ADORA1: variants seen among roughly 807,000 people sequenced by gnomAD.
ADORA1 encodes adenosine receptor A1.
ADORA1 carries 6 observed loss-of-function variants against 19.9 expected under a neutral mutation model. The ratio of observed to expected loss-of-function variants is 0.30; its 90% CI spans 0.17 to 0.59. The LOEUF (loss-of-function observed/expected upper bound fraction) is 0.59. Among genes scored for constraint, ADORA1 ranks in the 20% least tolerant of loss-of-function variants. The pLI is 0.87. For missense variants in ADORA1, 302 were observed against 439.2 expected (o/e 0.69, Z 2.79); for synonymous variants, 194 against 188.4 (o/e 1.03, Z -0.24).
chr1:203,133,514 C>G (rs536348950), intron 3 of ADORA1, among the ~76,000 whole-genome samples: 2 of 152,360 alleles, frequency 1.3e-5, no homozygotes, highest in Admixed American at 1.3e-4. Flanking sequence ...GGATTTGACT[C>G]TAGGCCTAAC....
At chr1:203,155,957 A>G (rs1022264918) in intron 3 of ADORA1, among the ~76,000 whole-genome samples, 1 of 152,240 alleles carries the variant, frequency 6.6e-6, no homozygotes, top group African/African-American at 2.4e-5. Flanking sequence ...AGCACCTACC[A>G]TTTAATCCTT....
rs1383452421 is a variant in ADORA1, at chr1:203,127,787, A to G, written c.-354A>G. On this transcript the variant is annotated 5_prime_UTR_variant, in exon 1 of 4. Coordinates refer to ENST00000337894, the MANE Select transcript of ADORA1 (RefSeq NM_000674.3). ...CGCCCGAGTCGAGTCCCAGCCAGCT[A>G]CCATCCCTCTGGAGCTTACCGGCCG... is the stretch of plus-strand genomic sequence containing the variant. 1 of 152,228 alleles carries G rather than the reference A, an allele frequency of 6.6e-6. No individual in the cohort carries two copies. Among genetic ancestry groups the G allele is most frequent in the Non-Finnish European group, 1.5e-5 (1 of 68,106 alleles). 9.4% of individuals were successfully genotyped at this position (152,228 alleles called of 1,614,324 possible).
At chr1:203,144,361 A>C (rs1030421899) in intron 3 of ADORA1, among the ~76,000 whole-genome samples, 1 of 152,186 alleles carries the variant, frequency 6.6e-6, no homozygotes, top group Non-Finnish European at 1.5e-5. Flanking sequence ...TTAATGAATC[A>C]CTGAATGAAT....
chr1:203,139,628 TA>T (rs1367338246), intron 3 of ADORA1, among the ~76,000 whole-genome samples: 3 of 152,246 alleles, frequency 2.0e-5, no homozygotes, highest in African/African-American at 7.2e-5. Context: ...AAGAGGCAGA[TA>T]ATTTATTCCT....
intron 3 of ADORA1, chr1:203,129,816 A>T (rs973467486): frequency 1.3e-5 from 2 of 152,514 alleles, no homozygotes; most frequent in Non-Finnish European, 2.9e-5. Context: ...GGAAGGAAAA[A>T]TGCTGGTGCC....
rs1571776931 is a variant in ADORA1, at chr1:203,128,735, C to T, written c.-57-50C>T. The T allele has an allele frequency of 1.3e-5, 19 of 1,504,570 alleles. 1 individual carries two copies. In the East Asian group the frequency reaches 4.3e-4, roughly 34 times the overall value. 93.2% of individuals were successfully genotyped at this position (1,504,570 alleles called of 1,614,324 possible). A position where few individuals can be genotyped will look rare whatever the true frequency, so the allele number is the denominator to read the frequency against. ...GGAGTTCCAGGGCAGCCTGAGCTCC[C>T]TGCCCCTCCCAGACGGGTCTCCCCA... On this transcript the variant is annotated intron_variant, in intron 2 of 3. Coordinates refer to ENST00000337894, the MANE Select transcript of ADORA1 (RefSeq NM_000674.3). The surrounding 1 kb of genome is among the most constrained non-coding windows in gnomAD (Gnocchi z 5.9).
intron 3 of ADORA1, among the ~76,000 whole-genome samples, chr1:203,154,257 A>G (rs1655125452): frequency 6.6e-6 from 1 of 152,140 alleles, no homozygotes; most frequent in African/African-American, 2.4e-5. Context: ...CGTTTGTAAG[A>G]GTTGGGTGGC....
At chr1:203,142,547 T>C (rs916940078) in intron 3 of ADORA1, among the ~76,000 whole-genome samples, 1 of 152,210 alleles carries the variant, frequency 6.6e-6, no homozygotes, top group Non-Finnish European at 1.5e-5. Flanking sequence ...AGTTATTTAA[T>C]TAAAACATCC....
intron 3 of ADORA1, among the ~76,000 whole-genome samples, chr1:203,158,709 AC>A (rs1655269913): frequency 6.6e-6 from 1 of 152,272 alleles, no homozygotes; most frequent in African/African-American, 2.4e-5. Flanking sequence ...AATGCCTGAA[AC>A]TGGGTAATTT....
intron 3 of ADORA1, among the ~76,000 whole-genome samples, chr1:203,159,090 G>T (rs764456410): frequency 6.6e-6 from 1 of 152,158 alleles, no homozygotes. Context: ...TCAGCAGCAG[G>T]TCCTTTTGGC....
At chr1:203,160,821 A>AAATG (rs1655339821) in intron 3 of ADORA1, among the ~76,000 whole-genome samples, 1 of 152,234 alleles carries the variant, frequency 6.6e-6, no homozygotes, top group African/African-American at 2.4e-5. Flanking sequence ...TTAAATAAAT[A>AAATG]AATAAATAGT....
intron 3 of ADORA1, 188 bp downstream of exon 3, chr1:203,129,370 G>A: frequency 1.2e-6 from 1 of 816,940 alleles, no homozygotes; most frequent in Non-Finnish European, 1.5e-6. Context: ...GAGGGGGATG[G>A]GTGGCTGGAG....
At position 203,165,424 on chromosome 1, in the gene ADORA1, T is replaced by A; in HGVS notation, c.505T>A (p.Cys169Ser). The A allele has an allele frequency of 6.2e-7, 1 of 1,613,506 alleles. No individual in the cohort carries two copies. Among genetic ancestry groups the A allele is most frequent in the African/African-American group, 1.3e-5 (1 of 75,064 alleles). Residue 169 changes from cysteine to serine, a missense_variant, in exon 4 of 4, where the codon TGC (cysteine) becomes AGC (serine). Coordinates refer to ENST00000337894, the MANE Select transcript of ADORA1 (RefSeq NM_000674.3). The surrounding 1 kb of genome is among the most constrained non-coding windows in gnomAD (Gnocchi z 5.9). ...NGSMGEPVIK[C>S]EFEKVISMEY... is the part of the protein sequence containing the mutation. ...CAGCATGGGGGAGCCCGTGATCAAG[T>A]GCGAGTTCGAGAAGGTCATCAGCAT...
chr1:203,129,496 T>G lies in ADORA1; in HGVS notation c.341+314T>G, dbSNP rs536721962. 38 of 372,462 alleles carry G rather than the reference T, an allele frequency of 1.0e-4. 1 individual carries two copies. In the South Asian group the frequency reaches 1.5e-3, roughly 15 times the overall value. The allele number at this position is 372,462 out of a possible 1,614,324, so 23.1% of individuals were successfully genotyped here. ...GAGGTGGGAGATTTGGAAGAGCCACTAAGATGGGGTCACAGTGAGTGCTGG... is the reference window on the plus strand; with the variant it reads ...GAGGTGGGAGATTTGGAAGAGCCACGAAGATGGGGTCACAGTGAGTGCTGG... On this transcript the variant is annotated intron_variant, in intron 3 of 3. Transcript: ENST00000337894.
At chr1:203,140,096 C>T (rs560165637) in intron 3 of ADORA1, among the ~76,000 whole-genome samples, 30 of 152,296 alleles carry the variant, frequency 2.0e-4, no homozygotes, top group Admixed American at 1.3e-3. Flanking sequence ...AGGGTTCATT[C>T]CATCTAGGCA....
At chr1:203,157,877 G>A (rs1287923048) in intron 3 of ADORA1, among the ~76,000 whole-genome samples, 2 of 152,216 alleles carry the variant, frequency 1.3e-5, no homozygotes, top group East Asian at 3.9e-4. Context: ...GCCCTGGGCA[G>A]CAAATGCCGA....
At chr1:203,161,867 G>T (rs190097422) in intron 3 of ADORA1, among the ~76,000 whole-genome samples, 47 of 151,882 alleles carry the variant, frequency 3.1e-4, no homozygotes, top group Admixed American at 9.8e-4. Flanking sequence ...AAGCCACCGC[G>T]CCCGGCCCCC....
In ADORA1 at chr1:203,165,842, G is replaced by A. The variant is rs141819948; in HGVS notation, c.923G>A (p.Arg308His). The change falls in exon 4 of 4, where the codon CGC becomes CAC. Residue 308 changes from arginine (R) to histidine (H), a missense_variant. Physicochemically the swap from Arg to His is conservative, Grantham distance 29 (BLOSUM62 0). Coordinates refer to ENST00000337894, the MANE Select transcript of ADORA1 (RefSeq NM_000674.3). The surrounding 1 kb of genome is among the most constrained non-coding windows in gnomAD (Gnocchi z 5.9). ...CTTAAGATTTGGAATGACCATTTCCGCTGCCAGCCTGCACCTCCCATTGAC... is the reference window on the plus strand; with the variant it reads ...CTTAAGATTTGGAATGACCATTTCCACTGCCAGCCTGCACCTCCCATTGAC... The part of the protein sequence containing the change: ...TFLKIWNDHF[R>H]CQPAPPIDED... The A allele has an allele frequency of 5.1e-5, 81 of 1,599,256 alleles. No individual in the cohort carries two copies. The highest frequency in any genetic ancestry group is 8.0e-5 in the African/African-American group (6 of 74,674).
chr1:203,134,604 A>G (rs1390002962), intron 3 of ADORA1, among the ~76,000 whole-genome samples: 1 of 152,206 alleles, frequency 6.6e-6, no homozygotes, highest in African/African-American at 2.4e-5. Flanking sequence ...GAGAATGGCC[A>G]GGATGCCTTT....
Sources: allele counts gnomAD v4.1 joint callset (sites outside exome capture counted in the v4.1 genomes callset), GRCh38; gene constraint gnomAD v4.1.1; non-coding constraint Gnocchi (gnomAD v3.1); transcripts MANE v1.5; gene names NCBI Gene and HGNC (gene_info 2026-07-23, HGNC 2026-07-21).